The following ITPRIP variants were observed in gnomAD, a reference collection of about 807,000 sequenced individuals.
The protein encoded by ITPRIP is inositol 1,4,5-trisphosphate receptor-interacting protein.
A neutral mutation model predicts 35.8 loss-of-function variants in ITPRIP; 32 were observed. The ratio of observed to expected loss-of-function variants is 0.89; its 90% CI spans 0.68 to 1.20. The LOEUF is 1.20. Among genes scored for constraint, ITPRIP ranks in the 50% most tolerant of loss-of-function variants. The pLI is 0.00. For missense variants in ITPRIP, 653 were observed against 735.6 expected (o/e 0.89, Z 1.30); for synonymous variants, 358 against 324.0 (o/e 1.11, Z -1.13).
chr10:104,314,560 C>T lies in ITPRIP; in HGVS notation c.1492G>A (p.Glu498Lys), dbSNP rs768880598. ...MGLPEAVLRAEPLNLFRPFVL... is the reference protein window; with the variant it reads ...MGLPEAVLRAKPLNLFRPFVL... Reference sequence around the variant, plus strand: ...AAGGGCCGGAAGAGGTTGAGGGGCTCGGCCCTGAGCACGGCCTCAGGGAGT... The same window carrying T: ...AAGGGCCGGAAGAGGTTGAGGGGCTTGGCCCTGAGCACGGCCTCAGGGAGT... The change falls in exon 2 of 2, where the codon GAG becomes AAG. Residue 498 changes from glutamate (E) to lysine (K), a missense_variant. Transcript: ENST00000337478. The T allele has an allele frequency of 5.2e-5, 84 of 1,614,100 alleles. No individual in the cohort carries two copies. The highest frequency in any genetic ancestry group is 1.9e-4 in the African/African-American group (14 of 75,034).
Position 104,314,303 on chromosome 10 carries a change from A to G in ITPRIP, c.*105T>C. 6.6e-7 allele frequency: 1 copy of G among 1,513,552 alleles called. No individual in the cohort carries two copies. The highest frequency in any genetic ancestry group is 8.8e-7 in the Non-Finnish European group (1 of 1,133,822). The allele number at this position is 1,513,552 out of a possible 1,614,324, so 93.8% of individuals were successfully genotyped here. On this transcript the variant is annotated 3_prime_UTR_variant, in exon 2 of 2. Transcript: ENST00000337478. ...TGGCAGGCTGAGCACGGCTCCCACG[A>G]AAGCCCGCCTTGTCCCCAGAACAGG... is the stretch of plus-strand genomic sequence containing the variant.
chr10:104,331,556 C>T (rs2014151002), intron 1 of ITPRIP, among the ~76,000 whole-genome samples: 2 of 152,206 alleles, frequency 1.3e-5, no homozygotes, highest in African/African-American at 2.4e-5. Context: ...AAAGCAGTAG[C>T]AGCCCAGGGT....
chr10:104,322,734 G>A (rs1485838065), intron 1 of ITPRIP, among the ~76,000 whole-genome samples: 1 of 152,242 alleles, frequency 6.6e-6, no homozygotes, highest in African/African-American at 2.4e-5. Flanking sequence ...CCTGGCCCTG[G>A]CGTCACGTTC....
rs1264880679 is a variant in ITPRIP, at chr10:104,312,265, T to G, written c.*2143A>C. 6.6e-6 allele frequency: 1 copy of G among 152,596 alleles called. No homozygotes were observed. Among genetic ancestry groups the G allele is most frequent in the East Asian group, 1.9e-4 (1 of 5,184 alleles). The allele number at this position is 152,596 out of a possible 1,614,324, so 9.5% of individuals were successfully genotyped here. A position where few individuals can be genotyped will look rare whatever the true frequency, so the allele number is the denominator to read the frequency against. The stretch of plus-strand genomic sequence containing the variant: ...TTCCCGTTTCCCCACCGAGTTCTGT[T>G]GTCTCTGTACACACAAGAAGCCAGA... On this transcript the variant is annotated 3_prime_UTR_variant, in exon 2 of 2. Coordinates refer to ENST00000337478, the MANE Select transcript of ITPRIP (RefSeq NM_001272013.2).
At chr10:104,320,202 GCCT>G (rs546642372) in intron 1 of ITPRIP, among the ~76,000 whole-genome samples, 2 of 150,740 alleles carry the variant, frequency 1.3e-5, no homozygotes, top group Non-Finnish European at 1.5e-5. Context: ...CCCTTTCCAG[GCCT>G]CTTCCTGATC....
chr10:104,328,801 CT>C lies in ITPRIP; in HGVS notation c.-14+9444del, dbSNP rs1188766785. 1.3e-5 allele frequency: 2 copies of C among 152,344 alleles called. No homozygotes were observed. Among genetic ancestry groups the C allele is most frequent in the East Asian group, 3.9e-4 (2 of 5,174 alleles). The allele number at this position is 152,344 out of a possible 1,614,324, so 9.4% of individuals were successfully genotyped here. ...TGGGGGAGGATGAACCCCCCAAGGC[CT>C]TGTCCACGACCTCGGAAAGGCTTGT... On this transcript the variant is annotated intron_variant, in intron 1 of 1. Coordinates refer to ENST00000337478, the MANE Select transcript of ITPRIP (RefSeq NM_001272013.2). The surrounding 1 kb of genome is among the most constrained non-coding windows in gnomAD (Gnocchi z 4.1).
At chr10:104,324,803 C>T (rs1221054260) in intron 1 of ITPRIP, among the ~76,000 whole-genome samples, 2 of 152,250 alleles carry the variant, frequency 1.3e-5, no homozygotes, top group East Asian at 3.8e-4. Flanking sequence ...CCACGCCACA[C>T]ATTCTGTGCA....
intron 1 of ITPRIP, among the ~76,000 whole-genome samples, chr10:104,327,772 C>T (rs900067474): frequency 2.6e-5 from 4 of 152,184 alleles, no homozygotes; most frequent in Non-Finnish European, 5.9e-5. Context: ...ATTTAACCCA[C>T]GCAGCAACCC....
chr10:104,315,083 C>G lies in ITPRIP; in HGVS notation c.969G>C (p.Leu323=), dbSNP rs965128955. 4 of 1,614,156 alleles carry G rather than the reference C, an allele frequency of 2.5e-6. No homozygotes were observed. In the South Asian group the frequency reaches 3.3e-5, roughly 13 times the overall value. The change falls in exon 2 of 2, where the codon CTG becomes CTC. Residue 323 remains leucine (L), a synonymous_variant. Coordinates refer to ENST00000337478, the MANE Select transcript of ITPRIP (RefSeq NM_001272013.2). This position sits in a 1 kb window ranked among gnomAD's most constrained non-coding sequence, Gnocchi z 5.7. ...CCGGGCTGTCCAGCTGGCCAAAGGCCAGGTCGAACTCGTACTTGTGGGCGA... is the reference window on the plus strand; with the variant it reads ...CCGGGCTGTCCAGCTGGCCAAAGGCGAGGTCGAACTCGTACTTGTGGGCGA... The part of the protein sequence containing the change: ...KGIAHKYEFD[L]AFGQLDSPGS...
At chr10:104,335,080 C>T (rs149762698) in intron 1 of ITPRIP, among the ~76,000 whole-genome samples, 1 of 152,290 alleles carries the variant, frequency 6.6e-6, no homozygotes, top group African/African-American at 2.4e-5. Context: ...CAGGTAAACA[C>T]CACCCTCTGA....
At position 104,325,043 on chromosome 10, in the gene ITPRIP, C is replaced by G. The variant is rs192043470; in HGVS notation, c.-13-8979G>C. ...GACCAGCCTTGGCAACATGGCGAAG[C>G]CCCGTCTCTACCAAAAATATAAAAA... On this transcript the variant is annotated intron_variant, in intron 1 of 1. Coordinates refer to ENST00000337478, the MANE Select transcript of ITPRIP (RefSeq NM_001272013.2). 6.6e-3 allele frequency among the ~76,000 whole-genome samples: 1,007 copies of G among 152,290 alleles called. 8 individuals are homozygous for G. The highest frequency in any genetic ancestry group is 8.4e-3 in the Non-Finnish European group (573 of 68,024).
At chr10:104,331,898 G>C (rs1408270755) in intron 1 of ITPRIP, among the ~76,000 whole-genome samples, 1 of 152,178 alleles carries the variant, frequency 6.6e-6, no homozygotes, top group Non-Finnish European at 1.5e-5. Context: ...AGAAGTCTCA[G>C]GCCTGGAGTT....
intron 1 of ITPRIP, among the ~76,000 whole-genome samples, chr10:104,335,885 G>T (rs985695352): frequency 6.6e-6 from 1 of 151,856 alleles, no homozygotes; most frequent in Non-Finnish European, 1.5e-5. Flanking sequence ...AACTCATACG[G>T]CTACTGTGAG....
intron 1 of ITPRIP, among the ~76,000 whole-genome samples, chr10:104,318,941 C>G (rs2013764839): frequency 6.6e-6 from 1 of 152,276 alleles, no homozygotes; most frequent in African/African-American, 2.4e-5. Context: ...ATGACCCTGC[C>G]TGCTGGGGTT....
Position 104,315,795 on chromosome 10 carries a change from C to T in ITPRIP, c.257G>A (p.Trp86Ter). Residue 86 changes from tryptophan (W) to a stop codon, truncating the protein, a stop_gained, in exon 2 of 2, where the codon TGG (tryptophan) becomes TAG (stop). Transcript: ENST00000337478. LOFTEE classifies it high-confidence loss of function. This position sits in a 1 kb window ranked among gnomAD's most constrained non-coding sequence, Gnocchi z 5.7. The stretch of plus-strand genomic sequence containing the variant: ...CATGCAGAGGGTGCTCCAGAGGTCC[C>T]AGGCCACGCGTGTCTCGTTCTGCTG... ...GRQQNETRVA[W>*]DLWSTLCMIL... 6.2e-7 allele frequency: 1 copy of T among 1,613,946 alleles called. No individual in the cohort carries two copies. The highest frequency in any genetic ancestry group is 1.1e-5 in the South Asian group (1 of 91,084).
At chr10:104,334,363 T>A (rs1415564402) in intron 1 of ITPRIP, among the ~76,000 whole-genome samples, 2 of 152,230 alleles carry the variant, frequency 1.3e-5, no homozygotes, top group East Asian at 3.8e-4. Context: ...GGGGACCACG[T>A]GTCTTTGCTC....
chr10:104,334,550 G>T (rs368490614), intron 1 of ITPRIP, among the ~76,000 whole-genome samples: 2 of 152,162 alleles, frequency 1.3e-5, no homozygotes, highest in Non-Finnish European at 2.9e-5. Context: ...TAAACAAATA[G>T]GTAAATAAAA....
At chr10:104,335,730 G>T (rs1428982755) in intron 1 of ITPRIP, among the ~76,000 whole-genome samples, 1 of 152,110 alleles carries the variant, frequency 6.6e-6, no homozygotes, top group Non-Finnish European at 1.5e-5. Context: ...TCCCACGAGG[G>T]TTCCCAATTA....
In ITPRIP at chr10:104,326,815, GAGAC is replaced by G. The variant is rs1160363865; in HGVS notation, c.-13-10755_-13-10752del. On this transcript the variant is annotated intron_variant, in intron 1 of 1. Transcript: ENST00000337478. The surrounding 1 kb of genome is among the most constrained non-coding windows in gnomAD (Gnocchi z 4.8). ...TCCTTATGAAGTGACACAAAAGAGA[GAGAC>G]AGAGGAGAGGTGAGGGGAGACGGAG... 6.6e-6 allele frequency: 1 copy of G among 152,314 alleles called. No homozygotes were observed. Among genetic ancestry groups the G allele is most frequent in the East Asian group, 1.9e-4 (1 of 5,182 alleles). 9.4% of individuals were successfully genotyped at this position (152,314 alleles called of 1,614,324 possible).
Sources: allele counts gnomAD v4.1 joint callset (sites outside exome capture counted in the v4.1 genomes callset), GRCh38; gene constraint gnomAD v4.1.1; non-coding constraint Gnocchi (gnomAD v3.1); transcripts MANE v1.5; gene names NCBI Gene and HGNC (gene_info 2026-07-23, HGNC 2026-07-21).